CACNA2D3: variants seen among roughly 807,000 people sequenced by gnomAD.
The protein encoded by CACNA2D3 is voltage-dependent calcium channel subunit alpha-2/delta-3.
In CACNA2D3, 60 loss-of-function variants were observed where a neutral mutation model predicts 160.6. The observed-to-expected ratio is 0.37, with a 90% CI of 0.30 to 0.46. The LOEUF is 0.46. CACNA2D3 is among the 20% of genes least tolerant of loss of function. The probability of loss-of-function intolerance (pLI) is 1.00; values close to 1 mark genes in which losing one functional copy is unlikely to be tolerated. For synonymous variants in CACNA2D3, 558 were observed against 492.9 expected (o/e 1.13, Z -1.75); for missense variants, 1,205 against 1,365.0 (o/e 0.88, Z 1.85).
intron 11 of CACNA2D3, among the ~76,000 whole-genome samples, chr3:54,646,443 C>T (rs1699652668): frequency 6.6e-6 from 1 of 151,736 alleles, no homozygotes; most frequent in South Asian, 2.1e-4. Flanking sequence ...TGTTTGCCCC[C>T]ATGTGTCCAT....
intron 2 of CACNA2D3, among the ~76,000 whole-genome samples, chr3:54,249,797 C>CT (rs1478332057): frequency 6.8e-6 from 1 of 146,806 alleles, no homozygotes; most frequent in East Asian, 2.0e-4. Context: ...GGGACTATTT[C>CT]TTTTTTTGTC....
At chr3:54,858,271 A>G (rs992403795) in intron 17 of CACNA2D3, among the ~76,000 whole-genome samples, 4 of 152,090 alleles carry the variant, frequency 2.6e-5, no homozygotes, top group South Asian at 2.1e-4. Context: ...CCCTAGCCCT[A>G]TTGCAAGGCT....
chr3:54,285,703 A>C (rs530567824), intron 2 of CACNA2D3, among the ~76,000 whole-genome samples: 1 of 152,320 alleles, frequency 6.6e-6, no homozygotes, highest in South Asian at 2.1e-4. Flanking sequence ...CAGACACATC[A>C]CACGGCCGGG....
chr3:54,489,944 G>T (rs1357057720), intron 4 of CACNA2D3, among the ~76,000 whole-genome samples: 7 of 152,124 alleles, frequency 4.6e-5, no homozygotes, highest in Admixed American at 4.6e-4. Flanking sequence ...GAGAAAATGA[G>T]ATGATTGAGT....
intron 31 of CACNA2D3, among the ~76,000 whole-genome samples, chr3:54,993,013 G>A (rs912289507): frequency 6.6e-5 from 10 of 152,090 alleles, no homozygotes; most frequent in South Asian, 2.1e-4. Context: ...GAGATCTCGT[G>A]AGCACTCACT....
At chr3:55,026,329 A>G (rs1703562793) in intron 35 of CACNA2D3, among the ~76,000 whole-genome samples, 1 of 152,240 alleles carries the variant, frequency 6.6e-6, no homozygotes, top group African/African-American at 2.4e-5. Context: ...ATGTGAAGAT[A>G]GCTCAGGACT....
At chr3:54,920,785 G>A (rs192190697) in intron 27 of CACNA2D3, among the ~76,000 whole-genome samples, 73 of 152,280 alleles carry the variant, frequency 4.8e-4, no homozygotes, top group African/African-American at 1.7e-3. Context: ...CCAGGGGGAT[G>A]GACAGGTTCA....
intron 3 of CACNA2D3, among the ~76,000 whole-genome samples, chr3:54,367,149 T>G (rs1380043913): frequency 6.6e-6 from 1 of 152,224 alleles, no homozygotes; most frequent in Non-Finnish European, 1.5e-5. Context: ...CCTTTTCTAA[T>G]AATTTTCTAC....
At chr3:54,932,594 A>T (rs1701216425) in intron 27 of CACNA2D3, among the ~76,000 whole-genome samples, 1 of 152,214 alleles carries the variant, frequency 6.6e-6, no homozygotes, top group Admixed American at 6.5e-5. Context: ...TAAATATAGC[A>T]TGCCTAGAGT....
At position 54,606,069 on chromosome 3, in the gene CACNA2D3, A is replaced by T. The variant is rs979389798; in HGVS notation, c.964-21718A>T. ...CTTTATTTGAAGGCAGAACATAGCA[A>T]TGAATCAGGGGAAGGGGGCTTATCA... On this transcript the variant is annotated intron_variant, in intron 9 of 37. Transcript: ENST00000474759. Among the ~76,000 whole-genome samples the T allele has an allele frequency of 7.9e-5, 12 of 152,290 alleles. No individual in the cohort carries two copies. The East Asian group carries it at 2.1e-3, about 27-fold the overall frequency.
intron 3 of CACNA2D3, among the ~76,000 whole-genome samples, chr3:54,334,311 C>T (rs1200238188): frequency 6.6e-6 from 1 of 152,100 alleles, no homozygotes; most frequent in Non-Finnish European, 1.5e-5. Context: ...GGTCTTGACT[C>T]CTGACCTCAA....
In CACNA2D3 at chr3:54,428,880, T is replaced by C. The variant is rs114904342; in HGVS notation, c.381+42106T>C. ...CATCCGATGAAGTTGATTTTCCTTT[T>C]TACAGATTTATGCTTGATTTATTGT... On this transcript the variant is annotated intron_variant, in intron 4 of 37. Transcript: ENST00000474759. 4.2e-3 allele frequency among the ~76,000 whole-genome samples: 644 copies of C among 152,358 alleles called. 4 individuals are homozygous for C. The highest frequency in any genetic ancestry group is 0.013 in the Admixed American group (194 of 15,308).
At chr3:55,039,901 C>A (rs192801553) in intron 35 of CACNA2D3, among the ~76,000 whole-genome samples, 2 of 152,042 alleles carry the variant, frequency 1.3e-5, no homozygotes, top group African/African-American at 4.8e-5. Flanking sequence ...ATCAAAATTG[C>A]GTGATTTTTA....
At chr3:54,361,492 A>T (rs1309926471) in intron 3 of CACNA2D3, among the ~76,000 whole-genome samples, 1 of 152,240 alleles carries the variant, frequency 6.6e-6, no homozygotes, top group East Asian at 1.9e-4. Flanking sequence ...AGGATCAGAA[A>T]ATACCATTTA....
chr3:54,914,729 A>G (rs1700625831), intron 27 of CACNA2D3, among the ~76,000 whole-genome samples: 1 of 152,216 alleles, frequency 6.6e-6, no homozygotes, highest in African/African-American at 2.4e-5. Flanking sequence ...TCAAAAGAGC[A>G]AAAGGATGGT....
At chr3:54,668,645 A>C (rs1175227534) in intron 11 of CACNA2D3, among the ~76,000 whole-genome samples, 1 of 152,240 alleles carries the variant, frequency 6.6e-6, no homozygotes, top group African/African-American at 2.4e-5. Context: ...ACAAATGTAA[A>C]TATCTTCACC....
intron 9 of CACNA2D3, among the ~76,000 whole-genome samples, chr3:54,602,543 C>CAAAAAAA: frequency 6.8e-6 from 1 of 147,824 alleles, no homozygotes. Context: ...AAAAAGAGAG[C>CAAAAAAA]AGCAGCAGAG....
chr3:54,373,641 A>G (rs1035884291), intron 3 of CACNA2D3, among the ~76,000 whole-genome samples: 1 of 152,128 alleles, frequency 6.6e-6, no homozygotes, highest in Non-Finnish European at 1.5e-5. Flanking sequence ...TGGTGTCTTT[A>G]TGACTGTATC....
rs571746074 is a variant in CACNA2D3, at chr3:54,793,226, T to C, written c.1381-23627T>C. ...TAGGAAGGAAGTGAATAAATTATAT[T>C]TTTTCCTGTCGTCGTAAATACTTGT... is the stretch of plus-strand genomic sequence containing the variant. On this transcript the variant is annotated intron_variant, in intron 13 of 37. Coordinates refer to ENST00000474759, the MANE Select transcript of CACNA2D3 (RefSeq NM_018398.3). Among the ~76,000 whole-genome samples, 9 of 152,330 alleles carry C rather than the reference T, an allele frequency of 5.9e-5. No individual in the cohort carries two copies. In the East Asian group the frequency reaches 1.7e-3, roughly 29 times the overall value.
Sources: allele counts gnomAD v4.1 joint callset (sites outside exome capture counted in the v4.1 genomes callset), GRCh38; gene constraint gnomAD v4.1.1; transcripts MANE v1.5; gene names NCBI Gene and HGNC (gene_info 2026-07-23, HGNC 2026-07-21).